Variants in SLC16A12 observed in about 807,000 individuals in gnomAD.
SLC16A12 encodes solute carrier family 16 member 12, also known as monocarboxylate transporter 12.
A neutral mutation model predicts 42.4 loss-of-function variants in SLC16A12; 17 were observed. The ratio of observed to expected loss-of-function variants is 0.40; its 90% CI spans 0.27 to 0.60. The LOEUF is 0.60. Ranked by LOEUF, SLC16A12 falls within the 20% of genes least tolerant of loss-of-function variation. The probability of loss-of-function intolerance (pLI) is 0.42; values close to 1 mark genes in which losing one functional copy is unlikely to be tolerated. For missense variants in SLC16A12, 544 were observed against 623.0 expected (o/e 0.87, Z 1.35); for synonymous variants, 224 against 229.4 (o/e 0.98, Z 0.21).
chr10:89,472,562 G>A (rs1197805468), intron 2 of SLC16A12, among the ~76,000 whole-genome samples: 10 of 136,758 alleles, frequency 7.3e-5, no homozygotes, highest in South Asian at 2.2e-4. Flanking sequence ...GGGCGATCTC[G>A]GCTCACTATA....
intron 2 of SLC16A12, among the ~76,000 whole-genome samples, chr10:89,504,134 C>T (rs1383386474): frequency 6.6e-6 from 1 of 152,206 alleles, no homozygotes; most frequent in Non-Finnish European, 1.5e-5. Flanking sequence ...CCCATATCTA[C>T]ACAAAATAGT....
intron 2 of SLC16A12, among the ~76,000 whole-genome samples, chr10:89,464,829 T>G (rs1014877443): frequency 2.6e-5 from 4 of 152,174 alleles, no homozygotes; most frequent in Non-Finnish European, 4.4e-5. Flanking sequence ...GGTTTGCCCC[T>G]TTTGAAGCCT....
At chr10:89,487,646 C>CA (rs761297191) in intron 2 of SLC16A12, among the ~76,000 whole-genome samples, 7,918 of 106,296 alleles carry the variant, frequency 0.074, 687 homozygotes, top group African/African-American at 0.22. Context: ...ACTAAAAATA[C>CA]AAAAAAAAAA....
At chr10:89,445,498 C>T (rs1327614857) in intron 3 of SLC16A12, among the ~76,000 whole-genome samples, 2 of 152,196 alleles carry the variant, frequency 1.3e-5, no homozygotes, top group African/African-American at 4.8e-5. Flanking sequence ...TCCAACAGAC[C>T]TGCAGCTGAG....
chr10:89,464,456 C>T (rs1842359329), intron 2 of SLC16A12, among the ~76,000 whole-genome samples: 2 of 152,170 alleles, frequency 1.3e-5, no homozygotes, highest in African/African-American at 4.8e-5. Context: ...AGAGTTTCAA[C>T]ATCTACTTTT....
intron 2 of SLC16A12, among the ~76,000 whole-genome samples, chr10:89,544,379 T>C (rs1313973168): frequency 1.3e-5 from 2 of 152,210 alleles, no homozygotes; most frequent in African/African-American, 2.4e-5. Context: ...TTCCCCATGG[T>C]CTGACCCACA....
chr10:89,498,459 A>G (rs778801936), intron 2 of SLC16A12, among the ~76,000 whole-genome samples: 3 of 152,224 alleles, frequency 2.0e-5, no homozygotes, highest in Non-Finnish European at 4.4e-5. Flanking sequence ...CAAAAATTAT[A>G]TGAACAAATG....
chr10:89,476,908 A>G (rs1842589532), intron 2 of SLC16A12, among the ~76,000 whole-genome samples: 1 of 152,222 alleles, frequency 6.6e-6, no homozygotes, highest in South Asian at 2.1e-4. Flanking sequence ...CACGCTGGCC[A>G]TCACATTCCA....
upstream of SLC16A12, among the ~76,000 whole-genome samples, chr10:89,538,046 G>A (rs1221073574): frequency 2.0e-5 from 3 of 152,238 alleles, no homozygotes; most frequent in African/African-American, 7.2e-5. Flanking sequence ...CTACCCCTTT[G>A]GGGTTCCACG....
chr10:89,443,847 A>T lies in SLC16A12; in HGVS notation c.213T>A (p.Ile71=), dbSNP rs1841955521. Residue 71 remains isoleucine (I), a synonymous_variant, in exon 4 of 8, where the codon ATT becomes ATA. Coordinates refer to ENST00000371790, the MANE Select transcript of SLC16A12 (RefSeq NM_213606.4). Reference sequence around the variant, plus strand: ...AGTATGTCTGGAACTCCACAAAAAAAATTGAGATACATCTGAAAAATACAA... The same window carrying T: ...AGTATGTCTGGAACTCCACAAAAAATATTGAGATACATCTGAAAAATACAA... ...CTRAVTRCIS[I]FFVEFQTYFT... is the part of the protein sequence containing the mutation. 1 of 1,609,832 alleles carries T rather than the reference A, an allele frequency of 6.2e-7. No individual in the cohort carries two copies. The highest frequency in any genetic ancestry group is 1.3e-5 in the African/African-American group (1 of 74,974).
In SLC16A12 at chr10:89,529,945, C is replaced by A. The variant is rs369038150; in HGVS notation, c.-47+4556G>T. On this transcript the variant is annotated intron_variant, in intron 2 of 7. Transcript: ENST00000371790. ...AGAAATGAGTTATTTTCAAAATATA[C>A]AGGGTACCCTCAGAAATGGAAACAT... Among the ~76,000 whole-genome samples, 3 of 152,284 alleles carry A rather than the reference C, an allele frequency of 2.0e-5. No individual in the cohort carries two copies. The South Asian group carries it at 6.2e-4, about 32-fold the overall frequency.
At chr10:89,459,395 G>T (rs1842254408) in intron 3 of SLC16A12, among the ~76,000 whole-genome samples, 1 of 152,046 alleles carries the variant, frequency 6.6e-6, no homozygotes, top group Non-Finnish European at 1.5e-5. Flanking sequence ...GTGTGTGTAT[G>T]TGTATGTTTG....
At chr10:89,516,382 T>C (rs1843251117) in intron 2 of SLC16A12, among the ~76,000 whole-genome samples, 1 of 152,222 alleles carries the variant, frequency 6.6e-6, no homozygotes, top group South Asian at 2.1e-4. Flanking sequence ...ACCTCTGGTT[T>C]AAATGCTGTG....
intron 2 of SLC16A12, among the ~76,000 whole-genome samples, chr10:89,481,174 C>T (rs1372075364): frequency 6.6e-6 from 1 of 152,054 alleles, no homozygotes; most frequent in African/African-American, 2.4e-5. Context: ...AATACATATG[C>T]ATAAGGACAA....
At chr10:89,550,684 C>T (rs1014797808) in intron 2 of SLC16A12, among the ~76,000 whole-genome samples, 1 of 151,910 alleles carries the variant, frequency 6.6e-6, no homozygotes. Flanking sequence ...CATCTCGTGC[C>T]ACACTCCCAT....
At chr10:89,441,294 G>C (rs1016212838) in intron 4 of SLC16A12, 43 bp from the exon 5 acceptor site, 1 of 1,612,342 alleles carries the variant, frequency 6.2e-7, no homozygotes, top group Middle Eastern at 1.7e-4. Context: ...AAGGCCTTGA[G>C]GGCACTGTGA....
rs1467917613 is a variant in SLC16A12, at chr10:89,479,310, T to C, written c.-46-16686A>G. Reference sequence around the variant, plus strand: ...CACTCACCTCACACTCTTTCTCTTTTTTTTTTTCATGTGGGATCTGCCTAT... The same window carrying C: ...CACTCACCTCACACTCTTTCTCTTTCTTTTTTTCATGTGGGATCTGCCTAT... On this transcript the variant is annotated intron_variant, in intron 2 of 7. Transcript: ENST00000371790. Among the ~76,000 whole-genome samples, 6 of 152,206 alleles carry C rather than the reference T, an allele frequency of 3.9e-5. No homozygotes were observed. In the South Asian group the frequency reaches 1.0e-3, roughly 26 times the overall value.
intron 2 of SLC16A12, among the ~76,000 whole-genome samples, chr10:89,485,679 C>T (rs1842732682): frequency 1.3e-5 from 2 of 151,962 alleles, no homozygotes; most frequent in African/African-American, 4.8e-5. Context: ...TGGAGAAACG[C>T]CCATGGAAAG....
intron 3 of SLC16A12, among the ~76,000 whole-genome samples, chr10:89,444,326 T>A (rs1298426981): frequency 2.0e-5 from 3 of 152,100 alleles, no homozygotes; most frequent in Admixed American, 2.0e-4. Context: ...TCTATAAAAT[T>A]ATATATATGT....
Sources: gnomAD v4.1 joint callset for allele counts (sites outside exome capture counted in the v4.1 genomes callset) on GRCh38, gnomAD v4.1.1 for gene constraint, MANE v1.5 for transcripts, NCBI Gene and HGNC (gene_info 2026-07-23, HGNC 2026-07-21) for gene names.